The following VTCN1 variants were observed in gnomAD, a reference collection of about 807,000 sequenced individuals.
VTCN1 encodes the protein V-set domain-containing T-cell activation inhibitor 1.
A neutral mutation model predicts 26.5 loss-of-function variants in VTCN1; 26 were observed. The observed-to-expected ratio is 0.98, with a 90% CI of 0.72 to 1.36. VTCN1 has a LOEUF of 1.36. Ranked by LOEUF, VTCN1 falls within the 40% of genes most tolerant of loss-of-function variation. The pLI is 0.00. For synonymous variants in VTCN1, 116 were observed against 130.7 expected (o/e 0.89, Z 0.77); for missense variants, 298 against 337.7 (o/e 0.88, Z 0.92).
At chr1:117,158,931 A>T (rs921325067) in intron 2 of VTCN1, among the ~76,000 whole-genome samples, 3 of 152,226 alleles carry the variant, frequency 2.0e-5, no homozygotes, top group Non-Finnish European at 4.4e-5. Flanking sequence ...TTGTTAAAAC[A>T]TAACAAGAGT....
intron 1 of VTCN1, chr1:117,173,369 C>CAT (rs1653028184): frequency 2.6e-5 from 12 of 455,580 alleles, no homozygotes; most frequent in Non-Finnish European, 4.8e-5. Context: ...CAGATGAACA[C>CAT]ACACACACAC....
Position 117,163,876 on chromosome 1 carries a change from G to GT in VTCN1, c.97+6230dup, listed in dbSNP as rs926277960. ...GTTTATTTTCTCAGATGACTCGAAGGTTTTTTTGGACAGATCAAATATTTT... is the reference window on the plus strand; with the variant it reads ...GTTTATTTTCTCAGATGACTCGAAGGTTTTTTTTGGACAGATCAAATATTTT... On this transcript the variant is annotated intron_variant, in intron 2 of 5. Coordinates refer to ENST00000369458, the MANE Select transcript of VTCN1 (RefSeq NM_024626.4). Among the ~76,000 whole-genome samples, 83 of 152,234 alleles carry GT rather than the reference G, an allele frequency of 5.5e-4. 1 individual carries two copies. The highest frequency in any genetic ancestry group is 1.6e-3 in the Admixed American group (24 of 15,280).
Position 117,167,960 on chromosome 1 carries a change from G to A in VTCN1, c.97+2147C>T, listed in dbSNP as rs577224680. Among the ~76,000 whole-genome samples, 29 of 150,014 alleles carry A rather than the reference G, an allele frequency of 1.9e-4. No individual in the cohort carries two copies. Among genetic ancestry groups the A allele is most frequent in the Non-Finnish European group, 4.0e-4 (27 of 67,448 alleles). On this transcript the variant is annotated intron_variant, in intron 2 of 5. Coordinates refer to ENST00000369458, the MANE Select transcript of VTCN1 (RefSeq NM_024626.4). The surrounding 1 kb of genome is among the most constrained non-coding windows in gnomAD (Gnocchi z 4.1). ...AGAGAGAGAGAAAGAGAGAGCAGAA[G>A]AAAGAAAAAGAGAAAGAGAGAAGAC...
chr1:117,146,826 G>A lies in VTCN1; in HGVS notation c.*45+787C>T, dbSNP rs1028461826. On this transcript the variant is annotated intron_variant, in intron 5 of 5. Transcript: ENST00000369458. This position sits in a 1 kb window ranked among gnomAD's most constrained non-coding sequence, Gnocchi z 4.2. ...TTCAGAATACTTCGATTCTGGCACC[G>A]TGTTTCCTATCAGCTAAAACAGGGA... 3.9e-5 allele frequency among the ~76,000 whole-genome samples: 6 copies of A among 152,154 alleles called. No homozygotes were observed. Among genetic ancestry groups the A allele is most frequent in the Admixed American group, 2.0e-4 (3 of 15,264 alleles).
intron 1 of VTCN1, among the ~76,000 whole-genome samples, chr1:117,205,165 G>T (rs544239752): frequency 0.026 from 3,663 of 138,450 alleles, 73 homozygotes; most frequent in Non-Finnish European, 0.042. Flanking sequence ...TATAGAGAGA[G>T]AGAGAGAGAG....
chr1:117,170,018 T>C (rs947614594), intron 2 of VTCN1, 89 bp downstream of exon 2: 3 of 1,277,028 alleles, frequency 2.3e-6, no homozygotes, highest in African/African-American at 3.0e-5. Context: ...GGGTCAAAGC[T>C]CTGGGCTCTT....
rs1043915337 is a variant in VTCN1 at position 117,144,012 on chromosome 1, T to A, written c.*1259A>T. 13 of 152,192 alleles carry A rather than the reference T, an allele frequency of 8.5e-5. No homozygotes were observed. The highest frequency in any genetic ancestry group is 3.1e-4 in the African/African-American group (13 of 41,442). 9.4% of individuals were successfully genotyped at this position (152,192 alleles called of 1,614,324 possible). Reference sequence around the variant, plus strand: ...GCTGAAGATAATCCCATCAGGCATTTCCCATAGGCCTTGTCAACTCTGTTC... The same window carrying A: ...GCTGAAGATAATCCCATCAGGCATTACCCATAGGCCTTGTCAACTCTGTTC... On this transcript the variant is annotated 3_prime_UTR_variant, in exon 6 of 6. Coordinates refer to ENST00000369458, the MANE Select transcript of VTCN1 (RefSeq NM_024626.4).
At chr1:117,209,725 G>A (rs187145063) in intron 1 of VTCN1, among the ~76,000 whole-genome samples, 29 of 152,334 alleles carry the variant, frequency 1.9e-4, no homozygotes, top group African/African-American at 5.8e-4. Context: ...CAGAAGTGCC[G>A]CTGCAGCCAC....
rs1570947945 is a variant in VTCN1 at position 117,161,134 on chromosome 1, A to T, written c.98-4213T>A. Among the ~76,000 whole-genome samples, 1 of 152,222 alleles carries T rather than the reference A, an allele frequency of 6.6e-6. No individual in the cohort carries two copies. Among genetic ancestry groups the T allele is most frequent in the East Asian group, 1.9e-4 (1 of 5,194 alleles). On this transcript the variant is annotated intron_variant, in intron 2 of 5. Transcript: ENST00000369458. This position sits in a 1 kb window ranked among gnomAD's most constrained non-coding sequence, Gnocchi z 4.3. ...ATGAAGTTTTTGCTGTGTAATAAGA[A>T]CACAACACACCTCCATTCCCTGCAT...
At chr1:117,170,354 CCA>C in intron 1 of VTCN1, 183 bp from the exon 2 acceptor site, 1 of 707,784 alleles carries the variant, frequency 1.4e-6, no homozygotes, top group Non-Finnish European at 2.6e-6. Context: ...AATTCCATCC[CCA>C]TCCCCCTGGG....
intron 1 of VTCN1, chr1:117,203,598 A>G (rs1648901195): frequency 2.0e-6 from 2 of 985,222 alleles, no homozygotes; most frequent in Non-Finnish European, 2.4e-6. Flanking sequence ...ACAGAGAGAA[A>G]TGTAGCCTGG....
chr1:117,154,783 C>CAAAAAAAAAA (rs916361996), intron 3 of VTCN1, among the ~76,000 whole-genome samples: 9 of 39,794 alleles, frequency 2.3e-4, no homozygotes, highest in Admixed American at 5.3e-4. Context: ...AACTCCATCT[C>CAAAAAAAAAA]AAAAAAAAAA....
chr1:117,190,832 A>G (rs925995019), intron 1 of VTCN1, among the ~76,000 whole-genome samples: 24 of 152,360 alleles, frequency 1.6e-4, no homozygotes, highest in Admixed American at 1.5e-3. Flanking sequence ...CTTACAATAT[A>G]TAAACACTAA....
intron 1 of VTCN1, among the ~76,000 whole-genome samples, chr1:117,194,792 C>T (rs2101586236): frequency 6.6e-6 from 1 of 152,308 alleles, no homozygotes; most frequent in Admixed American, 6.5e-5. Context: ...ACTATATCAT[C>T]TCATTTACAT....
intron 2 of VTCN1, among the ~76,000 whole-genome samples, chr1:117,162,272 G>C (rs565260909): frequency 2.6e-5 from 4 of 152,206 alleles, no homozygotes; most frequent in Non-Finnish European, 5.9e-5. Context: ...TGTTTGTTAA[G>C]TGAATAAATG....
At chr1:117,201,051 G>A (rs1309140190) in intron 1 of VTCN1, among the ~76,000 whole-genome samples, 1 of 152,096 alleles carries the variant, frequency 6.6e-6, no homozygotes, top group Admixed American at 6.6e-5. Flanking sequence ...AAAGTGTTTG[G>A]ATTATAAGTA....
chr1:117,203,335 C>T (rs1028230208), intron 1 of VTCN1, among the ~76,000 whole-genome samples: 3 of 152,034 alleles, frequency 2.0e-5, no homozygotes, highest in African/African-American at 7.3e-5. Flanking sequence ...TGAGAAAACA[C>T]AATGAGGAGG....
intron 1 of VTCN1, among the ~76,000 whole-genome samples, chr1:117,177,272 T>C (rs1647407261): frequency 6.6e-6 from 1 of 152,216 alleles, no homozygotes; most frequent in African/African-American, 2.4e-5. Flanking sequence ...TTGATTAGCA[T>C]AGGTTTCAGG....
chr1:117,170,424 A>G (rs1652848348), intron 1 of VTCN1: 1 of 554,682 alleles, frequency 1.8e-6, no homozygotes, highest in African/African-American at 1.9e-5. Flanking sequence ...TTACTGTCCT[A>G]TTTCCAGATC....
Sources: gnomAD v4.1 joint callset for allele counts (sites outside exome capture counted in the v4.1 genomes callset) on GRCh38, gnomAD v4.1.1 for gene constraint, Gnocchi (gnomAD v3.1) non-coding constraint, MANE v1.5 for transcripts, NCBI Gene and HGNC (gene_info 2026-07-23, HGNC 2026-07-21) for gene names.